Variants in CECR2 observed in about 807,000 individuals in gnomAD.
The protein encoded by CECR2 is CECR2 histone acetyl-lysine reader.
A neutral mutation model predicts 154.5 loss-of-function variants in CECR2; 30 were observed. The observed-to-expected ratio is 0.19, with a 90% confidence interval of 0.15 to 0.26. The LOEUF (loss-of-function observed/expected upper bound fraction) is 0.26. Among genes scored for constraint, CECR2 ranks in the 10% least tolerant of loss-of-function variants. The pLI is 1.00. For missense variants in CECR2, 1,743 were observed against 1,829.3 expected (o/e 0.95, Z 0.86); for synonymous variants, 725 against 683.7 (o/e 1.06, Z -0.94).
At position 17,362,235 on chromosome 22, in the gene CECR2, G is replaced by T. The variant is rs369383044; in HGVS notation, c.-364+2212G>T. 1.1e-4 allele frequency among the ~76,000 whole-genome samples: 17 copies of T among 152,150 alleles called. 1 individual carries two copies. The highest frequency in any genetic ancestry group is 8.5e-4 in the Admixed American group (13 of 15,274). On this transcript the variant is annotated intron_variant, in intron 1 of 18. Coordinates refer to the CECR2 transcript ENST00000400585. The stretch of plus-strand genomic sequence containing the variant: ...ATTTTTGTATTTTCAGTAAAGATGA[G>T]GTTTCACCATGTTGGCCAGGCTGGT...
rs1474888618 is a variant in CECR2, at chr22:17,540,395, C to G, written c.1496-17C>G. On this transcript the variant is annotated splice_polypyrimidine_tract_variant and intron_variant, in intron 13 of 18. Transcript: ENST00000262608. ...TGTAAACTATACCTAGAAGTCAATC[C>G]TCCTGTCTTCCTATAGAGTATACCA... 4.7e-6 allele frequency: 7 copies of G among 1,488,722 alleles called. No homozygotes were observed. In the African/African-American group the frequency reaches 9.8e-5, roughly 21 times the overall value. The allele number at this position is 1,488,722 out of a possible 1,614,324, so 92.2% of individuals were successfully genotyped here.
intron 1 of CECR2, among the ~76,000 whole-genome samples, chr22:17,413,663 G>GATTATTATTATT (rs111990077): frequency 8.6e-5 from 13 of 150,732 alleles, no homozygotes; most frequent in African/African-American, 2.4e-4. Flanking sequence ...TTGGAAGGAG[G>GATTATTATTATT]ATTATTATTA....
chr22:17,369,505 G>GGCGGCCGCCGCC lies in CECR2; in HGVS notation c.-276_-265dup, dbSNP rs2063028790. ...CTCGATTATATTGTAGGGGACTGGG[G>GGCGGCCGCCGCC]GCGGCCGCCGCCGCAGCCGCGGGAT... On this transcript the variant is annotated 5_prime_UTR_variant, in exon 1 of 19. Transcript: ENST00000262608. The GGCGGCCGCCGCC allele has an allele frequency of 6.7e-6, 1 of 149,750 alleles. No individual in the cohort carries two copies. Among genetic ancestry groups the GGCGGCCGCCGCC allele is most frequent in the African/African-American group, 2.4e-5 (1 of 41,082 alleles). 9.3% of individuals were successfully genotyped at this position (149,750 alleles called of 1,614,324 possible).
At position 17,543,420 on chromosome 22, in the gene CECR2, C is replaced by T. The variant is rs572064466; in HGVS notation, c.2860+417C>T. ...AAGTACTGGGATTACAGGCCCACCG[C>T]GCCCGGCCTTCCCAGCTTCTCTTTC... On this transcript the variant is annotated intron_variant, in intron 16 of 18. Coordinates refer to ENST00000262608, the MANE Select transcript of CECR2 (RefSeq NM_001290047.2). Among the ~76,000 whole-genome samples the T allele has an allele frequency of 3.1e-4, 47 of 152,256 alleles. 1 individual carries two copies. The highest frequency in any genetic ancestry group is 9.9e-4 in the African/African-American group (41 of 41,542).
At chr22:17,453,610 G>A (rs900479793) in intron 1 of CECR2, among the ~76,000 whole-genome samples, 2 of 152,132 alleles carry the variant, frequency 1.3e-5, no homozygotes, top group Non-Finnish European at 2.9e-5. Context: ...GTTTATTACT[G>A]TATATAAAAA....
At chr22:17,397,118 C>CT (rs796924008) in intron 1 of CECR2, among the ~76,000 whole-genome samples, 3,467 of 146,818 alleles carry the variant, frequency 0.024, 125 homozygotes, top group African/African-American at 0.082. Context: ...TCCTAAAGAG[C>CT]TTTTTTTTTT....
Position 17,370,329 on chromosome 22 carries a change from G to C in CECR2, c.126+420G>C, listed in dbSNP as rs1469101353. Among the ~76,000 whole-genome samples the C allele has an allele frequency of 2.7e-5, 4 of 149,356 alleles. 1 individual carries two copies. Among genetic ancestry groups the C allele is most frequent in the East Asian group, 2.0e-4 (1 of 4,882 alleles). On this transcript the variant is annotated intron_variant, in intron 1 of 18. Coordinates refer to ENST00000262608, the MANE Select transcript of CECR2 (RefSeq NM_001290047.2). ...CGGCGGGGCCGGGCGCGGGGGGGGG[G>C]CCCGCGCGGGATTAACTCGGACCGG... is the stretch of plus-strand genomic sequence containing the variant.
chr22:17,512,799 C>T (rs1362071798), intron 8 of CECR2, among the ~76,000 whole-genome samples: 1 of 151,716 alleles, frequency 6.6e-6, no homozygotes, highest in Admixed American at 6.6e-5. Flanking sequence ...GTAGCATGGA[C>T]CTGAAAAGGG....
chr22:17,549,998 AT>A (rs1249914891), intron 17 of CECR2, among the ~76,000 whole-genome samples: 5 of 151,910 alleles, frequency 3.3e-5, no homozygotes, highest in Admixed American at 1.3e-4. Flanking sequence ...AACAAAAAAA[AT>A]ATGTGAATTA....
chr22:17,550,411 TA>T (rs66840782), intron 17 of CECR2: 65,850 of 134,964 alleles, frequency 0.49, 15,013 homozygotes, highest in African/African-American at 0.62. Context: ...CTGACCAAGG[TA>T]AAAAAAAAAA....
At chr22:17,516,794 A>G in intron 8 of CECR2, among the ~76,000 whole-genome samples, 1 of 150,354 alleles carries the variant, frequency 6.7e-6, no homozygotes. Context: ...GGGTTTCTCC[A>G]TGTTGGTCAG....
chr22:17,438,136 A>G (rs934444461), intron 1 of CECR2, among the ~76,000 whole-genome samples: 2 of 152,270 alleles, frequency 1.3e-5, no homozygotes, highest in African/African-American at 4.8e-5. Context: ...ATGCAGTAGT[A>G]TCATAATGCA....
intron 1 of CECR2, among the ~76,000 whole-genome samples, chr22:17,458,388 T>A (rs1235786406): frequency 6.9e-6 from 1 of 145,818 alleles, no homozygotes; most frequent in African/African-American, 2.6e-5. Flanking sequence ...CACTACAACC[T>A]GGGCGACAGA....
intron 1 of CECR2, among the ~76,000 whole-genome samples, chr22:17,371,590 C>G (rs1385263850): frequency 1.3e-5 from 2 of 152,280 alleles, no homozygotes; most frequent in African/African-American, 4.8e-5. Context: ...TCAGTTGGTA[C>G]AAAATCGTGA....
At chr22:17,411,814 T>C (rs1008203010) in intron 1 of CECR2, among the ~76,000 whole-genome samples, 1 of 152,230 alleles carries the variant, frequency 6.6e-6, no homozygotes, top group East Asian at 1.9e-4. Context: ...TATGTATATA[T>C]ACAGATACAT....
At chr22:17,389,624 T>TA (rs1353908802) in intron 1 of CECR2, among the ~76,000 whole-genome samples, 1 of 151,920 alleles carries the variant, frequency 6.6e-6, no homozygotes, top group Non-Finnish European at 1.5e-5. Flanking sequence ...GGATATTCTT[T>TA]TTTATTTATT....
At chr22:17,456,536 A>G (rs1225049310) in intron 1 of CECR2, among the ~76,000 whole-genome samples, 2 of 152,230 alleles carry the variant, frequency 1.3e-5, no homozygotes, top group Non-Finnish European at 2.9e-5. Context: ...GTAACTGTTT[A>G]TTCCACAATT....
At chr22:17,508,511 T>C (rs995145074) in intron 7 of CECR2, among the ~76,000 whole-genome samples, 2 of 152,148 alleles carry the variant, frequency 1.3e-5, no homozygotes, top group Non-Finnish European at 2.9e-5. Flanking sequence ...CTAGGAGCAA[T>C]AGGCTATATA....
rs115537458 is a variant in CECR2 at position 17,432,528 on chromosome 22, C to T, written c.127-45060C>T. On this transcript the variant is annotated intron_variant, in intron 1 of 18. Coordinates refer to ENST00000262608, the MANE Select transcript of CECR2 (RefSeq NM_001290047.2). ...TGGGTCATATGATTACTGTGTTTAA[C>T]CTTTTGAAGAACTGCCAGACTTTTC... Among the ~76,000 whole-genome samples the T allele has an allele frequency of 4.3e-3, 652 of 152,302 alleles. 4 individuals are homozygous for T. Among genetic ancestry groups the T allele is most frequent in the African/African-American group, 0.015 (626 of 41,554 alleles).
Sources: allele counts gnomAD v4.1 joint callset (sites outside exome capture counted in the v4.1 genomes callset), GRCh38; gene constraint gnomAD v4.1.1; transcripts MANE v1.5; gene names NCBI Gene and HGNC (gene_info 2026-07-23, HGNC 2026-07-21).